Variants in DACH1 observed in about 807,000 individuals in gnomAD.
DACH1 encodes dachshund family transcription factor 1, also known as dachshund homolog 1.
A neutral mutation model predicts 54.2 loss-of-function variants in DACH1; 12 were observed. That is an observed-to-expected ratio of 0.22 (90% CI 0.14 to 0.36). The LOEUF (loss-of-function observed/expected upper bound fraction) is 0.36, where lower values mean the gene tolerates loss of function less well. Among genes scored for constraint, DACH1 ranks in the 10% least tolerant of loss-of-function variants. The pLI is 1.00. For synonymous variants in DACH1, 386 were observed against 366.2 expected, an observed-to-expected ratio of 1.05 and a Z score of -0.62; for missense variants, 805 against 929.8, an observed-to-expected ratio of 0.87 and a Z score of 1.75.
At chr13:71,650,527 G>C (rs985136500) in intron 2 of DACH1, among the ~76,000 whole-genome samples, 15 of 151,944 alleles carry the variant, frequency 9.9e-5, no homozygotes, top group African/African-American at 3.6e-4. Flanking sequence ...TAATATTATT[G>C]TAATAGATAA....
At chr13:71,533,245 T>A (rs1293607876) in intron 6 of DACH1, among the ~76,000 whole-genome samples, 2 of 151,918 alleles carry the variant, frequency 1.3e-5, no homozygotes, top group African/African-American at 4.8e-5. Context: ...TTAGAGAAAT[T>A]TTTTTAGAGA....
chr13:71,669,629 T>C (rs1290494361), intron 2 of DACH1, among the ~76,000 whole-genome samples: 2 of 151,952 alleles, frequency 1.3e-5, no homozygotes, highest in African/African-American at 2.4e-5. Context: ...GCCAAAAAGG[T>C]TGGGGACTGC....
rs868831655 is a variant in DACH1 at position 71,821,395 on chromosome 13, G to A, written c.848+44527C>T. 6.6e-5 allele frequency among the ~76,000 whole-genome samples: 5 copies of A among 76,100 alleles called. No homozygotes were observed. In the South Asian group the frequency reaches 1.8e-3, roughly 27 times the overall value. 49.9% of individuals were successfully genotyped at this position (76,100 alleles called of 152,430 possible). A position where few individuals can be genotyped will look rare whatever the true frequency, so the allele number is the denominator to read the frequency against. On this transcript the variant is annotated intron_variant, in intron 1 of 10. Transcript: ENST00000613252. ...ATTGGGTGGAGTGCACGATCCTGAG[G>A]TCCCTTCTCAGCTTGATTATTCTAA... is the stretch of plus-strand genomic sequence containing the variant.
chr13:71,815,371 G>A (rs1320763363), intron 1 of DACH1, among the ~76,000 whole-genome samples: 1 of 152,128 alleles, frequency 6.6e-6, no homozygotes, highest in African/African-American at 2.4e-5. Context: ...GTCAAGCACA[G>A]TGTTATTCAT....
chr13:71,696,486 G>A (rs558901111), intron 1 of DACH1, among the ~76,000 whole-genome samples: 53 of 151,858 alleles, frequency 3.5e-4, no homozygotes, highest in Non-Finnish European at 7.1e-4. Context: ...TCATAAAAAT[G>A]TTTCAGCCTT....
intron 1 of DACH1, among the ~76,000 whole-genome samples, chr13:71,711,511 T>A (rs1423729747): frequency 6.6e-6 from 1 of 152,158 alleles, no homozygotes; most frequent in Non-Finnish European, 1.5e-5. Flanking sequence ...CAGTCCTTTT[T>A]ATTCAGAAGT....
chr13:71,447,764 C>T (rs911678755), intron 10 of DACH1, among the ~76,000 whole-genome samples: 5 of 146,264 alleles, frequency 3.4e-5, no homozygotes, highest in Admixed American at 1.4e-4. Context: ...ACCCAGGAAG[C>T]GGAAGTTGCA....
intron 3 of DACH1, among the ~76,000 whole-genome samples, chr13:71,595,069 T>C (rs183412245): frequency 6.6e-6 from 1 of 152,270 alleles, no homozygotes; most frequent in East Asian, 1.9e-4. Flanking sequence ...TAAACATCCT[T>C]AATAAGAAGG....
chr13:71,484,978 C>T (rs1320535471), intron 7 of DACH1, among the ~76,000 whole-genome samples: 2 of 151,836 alleles, frequency 1.3e-5, no homozygotes, highest in Non-Finnish European at 2.9e-5. Context: ...AGGAGAATCA[C>T]TTGAGAGGCG....
At position 71,712,244 on chromosome 13, in the gene DACH1, A is replaced by T. The variant is rs552366057; in HGVS notation, c.849-30334T>A. 4.1e-3 allele frequency among the ~76,000 whole-genome samples: 625 copies of T among 152,144 alleles called. 8 individuals are homozygous for T. The highest frequency in any genetic ancestry group is 0.014 in the African/African-American group (571 of 41,534). Reference sequence around the variant, plus strand: ...TAAATCATATTTTTTTCAGAAATTAAATCTTTTTTTCTTAGAACTTCAATC... The same window carrying T: ...TAAATCATATTTTTTTCAGAAATTATATCTTTTTTTCTTAGAACTTCAATC... On this transcript the variant is annotated intron_variant, in intron 1 of 10. Coordinates refer to ENST00000613252, the MANE Select transcript of DACH1 (RefSeq NM_080759.6).
chr13:71,485,050 C>T (rs968862740), intron 7 of DACH1, among the ~76,000 whole-genome samples: 3 of 150,684 alleles, frequency 2.0e-5, no homozygotes, highest in African/African-American at 7.3e-5. Flanking sequence ...AGGGAGACTC[C>T]GTCTTAAATT....
At chr13:71,865,370 T>G (rs902654375) in intron 1 of DACH1, among the ~76,000 whole-genome samples, 10 of 152,038 alleles carry the variant, frequency 6.6e-5, no homozygotes, top group African/African-American at 2.4e-4. Flanking sequence ...CTCCCTCGCC[T>G]TTCCCAGCGG....
intron 7 of DACH1, 42 bp downstream of exon 7, chr13:71,488,955 G>T: frequency 6.3e-7 from 1 of 1,584,180 alleles, no homozygotes; most frequent in Non-Finnish European, 8.6e-7. Flanking sequence ...TCTACAACAG[G>T]GTGTTCCATA....
intron 4 of DACH1, among the ~76,000 whole-genome samples, chr13:71,571,143 T>C (rs542907899): frequency 6.6e-6 from 1 of 152,168 alleles, no homozygotes; most frequent in Non-Finnish European, 1.5e-5. Context: ...AGATTTTAGT[T>C]ACCAGTTTTA....
intron 3 of DACH1, among the ~76,000 whole-genome samples, chr13:71,620,112 G>C (rs2138539866): frequency 6.6e-6 from 1 of 151,996 alleles, no homozygotes; most frequent in South Asian, 2.1e-4. Context: ...TATGTAAAGT[G>C]AATATCAGAC....
At chr13:71,639,163 T>C (rs1241528291) in intron 2 of DACH1, among the ~76,000 whole-genome samples, 8 of 152,148 alleles carry the variant, frequency 5.3e-5, no homozygotes, top group Non-Finnish European at 1.2e-4. Flanking sequence ...AAATACCAGC[T>C]GTCAGAAACT....
chr13:71,681,364 A>C (rs1348753945), intron 2 of DACH1, among the ~76,000 whole-genome samples: 2 of 152,206 alleles, frequency 1.3e-5, no homozygotes, highest in Admixed American at 1.3e-4. Flanking sequence ...TATTCAATAC[A>C]GTTACTGTCT....
intron 6 of DACH1, among the ~76,000 whole-genome samples, chr13:71,490,903 CT>C (rs1440561644): frequency 1.3e-5 from 2 of 152,160 alleles, no homozygotes; most frequent in African/African-American, 4.8e-5. Context: ...ATAATAATTG[CT>C]TGTCTCTTGA....
At chr13:71,507,354 G>C (rs1207791352) in intron 6 of DACH1, among the ~76,000 whole-genome samples, 2 of 151,968 alleles carry the variant, frequency 1.3e-5, no homozygotes, top group Non-Finnish European at 2.9e-5. Flanking sequence ...TTAATATAGT[G>C]CCTCCTATAA....
Sources: allele counts gnomAD v4.1 joint callset (sites outside exome capture counted in the v4.1 genomes callset), GRCh38; gene constraint gnomAD v4.1.1; transcripts MANE v1.5; gene names NCBI Gene and HGNC (gene_info 2026-07-23, HGNC 2026-07-21).